Variants in SMARCC1 observed in about 807,000 individuals in gnomAD.
The protein encoded by SMARCC1 is SWI/SNF complex subunit SMARCC1.
SMARCC1 carries 43 observed loss-of-function variants against 147.4 expected under a neutral mutation model. The ratio of observed to expected loss-of-function variants is 0.29; its 90% confidence interval spans 0.23 to 0.38. The LOEUF is 0.38. SMARCC1 is among the 10% of genes least tolerant of loss of function. SMARCC1 has a pLI of 1.00. For missense variants in SMARCC1, 1,119 were observed against 1,381.1 expected (o/e 0.81, Z 3.01); for synonymous variants, 495 against 484.4 (o/e 1.02, Z -0.29).
At position 47,616,476 on chromosome 3, in the gene SMARCC1, G is replaced by A. The variant is rs2032647545; in HGVS notation, c.2781+5731C>T. 5.3e-5 allele frequency among the ~76,000 whole-genome samples: 8 copies of A among 151,104 alleles called. 1 individual carries two copies. In the South Asian group the frequency reaches 1.5e-3, roughly 28 times the overall value. On this transcript the variant is annotated intron_variant, in intron 25 of 27. Coordinates refer to ENST00000254480, the MANE Select transcript of SMARCC1 (RefSeq NM_003074.4). ...TTTTTTTTTTTTGAGACAGAGTTTC[G>A]CTATTGTCACCCAGGCTGGAGTACA...
chr3:47,744,197 A>G (rs917987482), intron 3 of SMARCC1, among the ~76,000 whole-genome samples: 7 of 152,154 alleles, frequency 4.6e-5, no homozygotes, highest in South Asian at 2.1e-4. Context: ...GCAGGAGTGC[A>G]GTGGCGCAAT....
intron 1 of SMARCC1, among the ~76,000 whole-genome samples, chr3:47,778,190 C>CAAAAAAAAA (rs762774696): frequency 7.4e-4 from 39 of 52,940 alleles, no homozygotes; most frequent in South Asian, 2.1e-3. Flanking sequence ...GACTCCATCT[C>CAAAAAAAAA]AAAAAAAAAA....
At chr3:47,736,190 G>A (rs2034441123) in intron 4 of SMARCC1, 64 bp from the exon 5 acceptor site, 2 of 896,986 alleles carry the variant, frequency 2.2e-6, no homozygotes, top group Admixed American at 2.5e-5. Flanking sequence ...TATTATTTAT[G>A]CAATATACAA....
At chr3:47,603,524 C>G (rs2032422302) in intron 26 of SMARCC1, 1 of 155,330 alleles carries the variant, frequency 6.4e-6, no homozygotes, top group Non-Finnish European at 1.4e-5. Context: ...CTAGGCCATT[C>G]TCCTCTGTGG....
chr3:47,633,762 A>AT (rs1559630488), intron 24 of SMARCC1, among the ~76,000 whole-genome samples: 16 of 29,368 alleles, frequency 5.4e-4, no homozygotes, highest in Admixed American at 3.5e-3. Flanking sequence ...AAAAAAAAAA[A>AT]AATATATATA....
intron 26 of SMARCC1, among the ~76,000 whole-genome samples, chr3:47,597,703 C>A (rs959868082): frequency 6.6e-6 from 1 of 152,172 alleles, no homozygotes; most frequent in Admixed American, 6.5e-5. Flanking sequence ...GCTCAATGAT[C>A]CTCCTAACTC....
chr3:47,745,888 A>C lies in SMARCC1; in HGVS notation c.401+20T>G. On this transcript the variant is annotated intron_variant, in intron 3 of 27. Coordinates refer to ENST00000254480, the MANE Select transcript of SMARCC1 (RefSeq NM_003074.4). ...TAAATAACTTAAGATCAAAACATGC[A>C]AACAAATACAAAAACTTACCATCCC... 1 of 1,453,538 alleles carries C rather than the reference A, an allele frequency of 6.9e-7. No homozygotes were observed. The highest frequency in any genetic ancestry group is 1.3e-5 in the South Asian group (1 of 76,002). The allele number at this position is 1,453,538 out of a possible 1,614,324, so 90.0% of individuals were successfully genotyped here. A position where few individuals can be genotyped will look rare whatever the true frequency, so the allele number is the denominator to read the frequency against.
chr3:47,608,130 C>A (rs963322560), intron 26 of SMARCC1, among the ~76,000 whole-genome samples: 4 of 152,154 alleles, frequency 2.6e-5, no homozygotes, highest in African/African-American at 9.7e-5. Context: ...CTCTGTCACC[C>A]AGGCTGGAGT....
chr3:47,678,205 C>G lies in SMARCC1; in HGVS notation c.1564G>C (p.Val522Leu). ...AAAAGTCAAACAGTTTACCTCATCA[C>G]AGCACACACATCTCCAGTCAAGTTC... ...RRNLTGDVCA[V>L]MRVHAFLEQW... The change falls in exon 16 of 28, where the codon GTG becomes CTG. Residue 522 changes from valine to leucine, a missense_variant. Coordinates refer to ENST00000254480, the MANE Select transcript of SMARCC1 (RefSeq NM_003074.4). 6.3e-7 allele frequency: 1 copy of G among 1,590,306 alleles called. No individual in the cohort carries two copies. Among genetic ancestry groups the G allele is most frequent in the Non-Finnish European group, 8.6e-7 (1 of 1,162,372 alleles).
chr3:47,781,741 C>G lies in SMARCC1; in HGVS notation c.57G>C (p.Ser19=). ...GPGTAVGATG[S]GIAAAAAGLA... is the part of the protein sequence containing the mutation. Reference sequence around the variant, plus strand: ...GGCCTGCGGCTGCCGCCGCAATCCCCGAGCCCGTGGCGCCTACCGCTGTCC... The same window carrying G: ...GGCCTGCGGCTGCCGCCGCAATCCCGGAGCCCGTGGCGCCTACCGCTGTCC... The change falls in exon 1 of 28, where the codon TCG becomes TCC. Residue 19 remains serine, a synonymous_variant. Coordinates refer to ENST00000254480, the MANE Select transcript of SMARCC1 (RefSeq NM_003074.4). 6.5e-7 allele frequency: 1 copy of G among 1,548,938 alleles called. No individual in the cohort carries two copies. The highest frequency in any genetic ancestry group is 8.7e-7 in the Non-Finnish European group (1 of 1,152,734).
intron 3 of SMARCC1, among the ~76,000 whole-genome samples, chr3:47,745,702 T>C (rs56196081): frequency 0.017 from 2,541 of 152,188 alleles, 64 homozygotes; most frequent in African/African-American, 0.049. Context: ...ACAGCCTTGG[T>C]TGGTCCTATT....
At chr3:47,732,712 T>C (rs1217141785) in intron 5 of SMARCC1, among the ~76,000 whole-genome samples, 2 of 152,152 alleles carry the variant, frequency 1.3e-5, no homozygotes, top group African/African-American at 4.8e-5. Context: ...CACATACATT[T>C]ATCAATTAAC....
chr3:47,600,567 A>G (rs2106653109), intron 26 of SMARCC1, among the ~76,000 whole-genome samples: 1 of 152,262 alleles, frequency 6.6e-6, no homozygotes, highest in South Asian at 2.1e-4. Flanking sequence ...TGAACAAGAG[A>G]CTGAGCTGAG....
At chr3:47,721,189 TCTG>T (rs1425965032) in intron 6 of SMARCC1, among the ~76,000 whole-genome samples, 3 of 152,192 alleles carry the variant, frequency 2.0e-5, no homozygotes, top group Non-Finnish European at 4.4e-5. Flanking sequence ...TACTAACTAC[TCTG>T]CTTCCTCTAG....
At chr3:47,711,953 C>T (rs1179684780) in intron 8 of SMARCC1, among the ~76,000 whole-genome samples, 1 of 152,172 alleles carries the variant, frequency 6.6e-6, no homozygotes, top group Non-Finnish European at 1.5e-5. Flanking sequence ...AGTGTATAGG[C>T]CGGGCGTGGT....
At chr3:47,663,910 C>CT in intron 19 of SMARCC1, 1 of 1,466,942 alleles carries the variant, frequency 6.8e-7, no homozygotes, top group Admixed American at 1.7e-5. Context: ...GTCTAGCTGT[C>CT]ACCGCTATGA....
chr3:47,649,189 T>C (rs777359101), intron 21 of SMARCC1, among the ~76,000 whole-genome samples: 2 of 152,260 alleles, frequency 1.3e-5, no homozygotes, highest in African/African-American at 4.8e-5. Flanking sequence ...TGATCAAATA[T>C]GGTTCCACAT....
At chr3:47,744,476 ATAAT>A (rs2034544674) in intron 3 of SMARCC1, among the ~76,000 whole-genome samples, 1 of 152,188 alleles carries the variant, frequency 6.6e-6, no homozygotes, top group South Asian at 2.1e-4. Flanking sequence ...TACTATATAA[ATAAT>A]TTATTTAATT....
intron 6 of SMARCC1, among the ~76,000 whole-genome samples, chr3:47,727,860 G>A (rs1034047246): frequency 7.9e-5 from 12 of 151,918 alleles, no homozygotes; most frequent in Non-Finnish European, 1.5e-4. Context: ...CAGAGTGCTG[G>A]GATTACAGGC....
Sources: gnomAD v4.1 joint callset for allele counts (sites outside exome capture counted in the v4.1 genomes callset) on GRCh38, gnomAD v4.1.1 for gene constraint, MANE v1.5 for transcripts, NCBI Gene and HGNC (gene_info 2026-07-23, HGNC 2026-07-21) for gene names.